Variants in EXOC2 observed in about 807,000 individuals in gnomAD.
EXOC2 encodes the protein exocyst complex component 2, also known as SEC5-like 1.
In EXOC2, 70 loss-of-function variants were observed where a neutral mutation model predicts 131.8. The observed-to-expected ratio is 0.53, with a 90% CI of 0.44 to 0.65. The LOEUF (loss-of-function observed/expected upper bound fraction) is 0.65. Among genes scored for constraint, EXOC2 ranks in the 30% least tolerant of loss-of-function variants. The pLI is 0.00. For synonymous variants in EXOC2, 411 were observed against 398.4 expected (o/e 1.03, Z -0.38); for missense variants, 923 against 1,108.6 (o/e 0.83, Z 2.38).
chr6:535,023 G>T (rs1431042137), intron 22 of EXOC2, among the ~76,000 whole-genome samples: 1 of 152,056 alleles, frequency 6.6e-6, no homozygotes, highest in Non-Finnish European at 1.5e-5. Context: ...TGTTTTAAAA[G>T]AAAAGTTTAA....
intron 4 of EXOC2, among the ~76,000 whole-genome samples, chr6:620,381 G>A (rs1008025659): frequency 2.0e-5 from 3 of 152,080 alleles, no homozygotes; most frequent in African/African-American, 4.8e-5. Context: ...CTGACGCTTC[G>A]GCAGCCTCAA....
At chr6:642,725 G>A (rs1201748912) in intron 1 of EXOC2, among the ~76,000 whole-genome samples, 3 of 152,062 alleles carry the variant, frequency 2.0e-5, no homozygotes, top group African/African-American at 7.2e-5. Context: ...GCAAATTCTA[G>A]AACTGAAAGG....
intron 23 of EXOC2, among the ~76,000 whole-genome samples, chr6:531,367 T>C (rs1766066592): frequency 1.1e-5 from 1 of 91,994 alleles, no homozygotes; most frequent in Non-Finnish European, 2.1e-5. Flanking sequence ...TTTGAGGGTA[T>C]GAACTGAATG....
At position 553,939 on chromosome 6, in the gene EXOC2, AG is replaced by A. The variant is rs1206499292; in HGVS notation, c.2055-20del. On this transcript the variant is annotated intron_variant, in intron 20 of 27. Transcript: ENST00000230449. ...AGAGAGACTGAACATAGAAGCAAGT[AG>A]GAACAGTTACAAATAAAGCACTCAA... 1.9e-6 allele frequency: 3 copies of A among 1,603,638 alleles called. No homozygotes were observed. Among genetic ancestry groups the A allele is most frequent in the African/African-American group, 1.3e-5 (1 of 74,718 alleles).
At chr6:496,173 T>C (rs1265289405) in intron 25 of EXOC2, among the ~76,000 whole-genome samples, 1 of 152,218 alleles carries the variant, frequency 6.6e-6, no homozygotes, top group African/African-American at 2.4e-5. Context: ...TTCCAATACC[T>C]GGGTCATCTT....
At chr6:656,422 C>T (rs770840390) in intron 1 of EXOC2, 6 of 1,614,004 alleles carry the variant, frequency 3.7e-6, no homozygotes, top group South Asian at 1.1e-5. Flanking sequence ...TGACTGCCCA[C>T]GTTCGCCATC....
chr6:597,107 T>C (rs1305394886), intron 10 of EXOC2, among the ~76,000 whole-genome samples: 1 of 152,234 alleles, frequency 6.6e-6, no homozygotes, highest in Admixed American at 6.5e-5. Flanking sequence ...CTAGTTCCCA[T>C]TATGTGATAC....
intron 1 of EXOC2, among the ~76,000 whole-genome samples, chr6:644,514 G>A (rs150240723): frequency 3.6e-4 from 55 of 152,092 alleles, no homozygotes; most frequent in Middle Eastern, 6.8e-3. Flanking sequence ...GCAATAGGGC[G>A]AATTAAAGAA....
At position 485,194 on chromosome 6, in the gene EXOC2, A is replaced by G. The variant is rs989193790; in HGVS notation, c.*1477T>C. The G allele has an allele frequency of 6.6e-6, 1 of 152,246 alleles. No homozygotes were observed. Among genetic ancestry groups the G allele is most frequent in the Admixed American group, 6.5e-5 (1 of 15,290 alleles). The allele number at this position is 152,246 out of a possible 1,614,324, so 9.4% of individuals were successfully genotyped here. ...TTATTGGCTGAATGTGCTGTAGTAG[A>G]TATTTAAAATATCACAAACATTCAT... On this transcript the variant is annotated 3_prime_UTR_variant, in exon 28 of 28. Coordinates refer to ENST00000230449, the MANE Select transcript of EXOC2 (RefSeq NM_018303.6).
chr6:634,206 C>T (rs1761991550), intron 2 of EXOC2, among the ~76,000 whole-genome samples: 1 of 152,100 alleles, frequency 6.6e-6, no homozygotes, highest in Non-Finnish European at 1.5e-5. Flanking sequence ...GCTGGGACTA[C>T]CGGTGAGCAC....
chr6:662,461 G>C (rs1205173455), intron 1 of EXOC2, among the ~76,000 whole-genome samples: 2 of 152,106 alleles, frequency 1.3e-5, no homozygotes, highest in East Asian at 3.8e-4. Flanking sequence ...CACTCTCTCA[G>C]ACCACAGTAA....
chr6:542,664 T>C (rs1396781118), intron 22 of EXOC2, among the ~76,000 whole-genome samples: 1 of 152,192 alleles, frequency 6.6e-6, no homozygotes, highest in African/African-American at 2.4e-5. Flanking sequence ...AAGAAAATAC[T>C]GGGCCTAGAG....
chr6:517,549 C>CTTAT (rs75554427), intron 23 of EXOC2, among the ~76,000 whole-genome samples: 145,237 of 152,196 alleles, frequency 0.95, 69,369 homozygotes, highest in East Asian at 1. Context: ...ATGAAAAAAA[C>CTTAT]TTAGTGTTCC....
At chr6:632,552 A>T (rs1462090570) in intron 3 of EXOC2, among the ~76,000 whole-genome samples, 2 of 152,184 alleles carry the variant, frequency 1.3e-5, no homozygotes, top group Non-Finnish European at 2.9e-5. Flanking sequence ...GGAAAAGGGA[A>T]TATTATTTAG....
chr6:664,474 T>C (rs144786133), intron 1 of EXOC2, among the ~76,000 whole-genome samples: 8 of 152,318 alleles, frequency 5.3e-5, no homozygotes, highest in Admixed American at 3.9e-4. Context: ...AGAGCCCGCA[T>C]AGCCAAAGCA....
Position 687,517 on chromosome 6 carries a change from C to T in EXOC2, c.-44+5502G>A, listed in dbSNP as rs140092929. On this transcript the variant is annotated intron_variant, in intron 1 of 27. Coordinates refer to ENST00000230449, the MANE Select transcript of EXOC2 (RefSeq NM_018303.6). ...TATTTATTTGTATCTTTACCTAGTC[C>T]GTCAAGATGATTTGCGATACAATGA... is the stretch of plus-strand genomic sequence containing the variant. Among the ~76,000 whole-genome samples the T allele has an allele frequency of 1.9e-4, 29 of 152,138 alleles. 2 individuals carry two copies. The South Asian group carries it at 5.6e-3, about 29-fold the overall frequency.
chr6:689,903 T>TA (rs978119833), intron 1 of EXOC2, among the ~76,000 whole-genome samples: 2 of 152,164 alleles, frequency 1.3e-5, no homozygotes, highest in African/African-American at 4.8e-5. Context: ...ATTTCAGAGA[T>TA]AATCTAACTG....
intron 26 of EXOC2, among the ~76,000 whole-genome samples, chr6:490,526 T>C (rs1323392558): frequency 6.6e-6 from 1 of 152,224 alleles, no homozygotes; most frequent in East Asian, 1.9e-4. Context: ...AGCCATGTTA[T>C]CAGATGCTGG....
intron 15 of EXOC2, 71 bp downstream of exon 15, chr6:564,474 T>C (rs1757863058): frequency 6.4e-7 from 1 of 1,567,282 alleles, no homozygotes. Context: ...CTTCACTGAA[T>C]GTATTAATTC....
Sources: gnomAD v4.1 joint callset for allele counts (sites outside exome capture counted in the v4.1 genomes callset) on GRCh38, gnomAD v4.1.1 for gene constraint, MANE v1.5 for transcripts, NCBI Gene and HGNC (gene_info 2026-07-23, HGNC 2026-07-21) for gene names.